The following FAM227A variants were observed in gnomAD, a reference collection of about 807,000 sequenced individuals.
FAM227A encodes protein FAM227A.
Under a neutral mutation model 74.7 loss-of-function variants are expected in FAM227A, and 80 were observed. The observed-to-expected ratio is 1.07, with a 90% CI of 0.89 to 1.29. FAM227A has a LOEUF of 1.29. Ranked by LOEUF, FAM227A falls within the 50% of genes most tolerant of loss-of-function variation. FAM227A has a pLI of 0.00. For synonymous variants in FAM227A, 237 were observed against 241.8 expected (o/e 0.98, Z 0.19); for missense variants, 654 against 683.4 (o/e 0.96, Z 0.48).
At position 38,607,494 on chromosome 22, in the gene FAM227A, GAGAA is replaced by G. The variant is rs2091310283; in HGVS notation, c.1039-22_1039-19del. 2.7e-6 allele frequency: 4 copies of G among 1,492,778 alleles called. No homozygotes were observed. The highest frequency in any genetic ancestry group is 2.7e-6 in the Non-Finnish European group (3 of 1,094,418). The allele number at this position is 1,492,778 out of a possible 1,614,324, so 92.5% of individuals were successfully genotyped here. A position where few individuals can be genotyped will look rare whatever the true frequency, so the allele number is the denominator to read the frequency against. ...CTAGAAGACTTCAGGAGACAAGAGAGAGAAAGAGAGGGAGAAAGCGAGAGAGAGA... is the reference window on the plus strand; with the variant it reads ...CTAGAAGACTTCAGGAGACAAGAGAGAGAGAGGGAGAAAGCGAGAGAGAGA... On this transcript the variant is annotated intron_variant, in intron 11 of 16. Coordinates refer to ENST00000535113, the MANE Select transcript of FAM227A (RefSeq NM_001013647.2).
chr22:38,644,446 A>C (rs5757197), intron 3 of FAM227A, among the ~76,000 whole-genome samples: 1 of 73,080 alleles, frequency 1.4e-5, no homozygotes, highest in Non-Finnish European at 3.1e-5. Context: ...GGACAGCGAA[A>C]CTATGCTGTG....
intron 11 of FAM227A, among the ~76,000 whole-genome samples, chr22:38,617,242 A>G (rs1330306154): frequency 6.6e-6 from 1 of 151,890 alleles, no homozygotes; most frequent in Non-Finnish European, 1.5e-5. Context: ...AGGGAAGTCA[A>G]ATAACTTGCC....
chr22:38,640,315 G>C (rs1361657889), intron 3 of FAM227A, among the ~76,000 whole-genome samples: 1 of 152,120 alleles, frequency 6.6e-6, no homozygotes, highest in African/African-American at 2.4e-5. Context: ...TTACAGGTGT[G>C]AGCCACCACG....
intron 3 of FAM227A, among the ~76,000 whole-genome samples, chr22:38,640,819 T>A (rs185923408): frequency 6.6e-6 from 1 of 152,154 alleles, no homozygotes; most frequent in Admixed American, 6.5e-5. Context: ...GGGAAATACC[T>A]CTCCAGGCCT....
At chr22:38,640,725 C>T (rs1392965294) in intron 3 of FAM227A, among the ~76,000 whole-genome samples, 1 of 152,302 alleles carries the variant, frequency 6.6e-6, no homozygotes, top group East Asian at 1.9e-4. Flanking sequence ...GTGAGGTCAA[C>T]GTGGGCCAGA....
chr22:38,584,879 C>G lies in FAM227A; in HGVS notation c.*1246G>C, dbSNP rs1169928557. ...TAGCATGGTCTTGGCTCACTGCAAC[C>G]TCCGCCACCTGGGTTCCAACGATTC... On this transcript the variant is annotated 3_prime_UTR_variant, in exon 17 of 17. Coordinates refer to ENST00000535113, the MANE Select transcript of FAM227A (RefSeq NM_001013647.2). 2 of 152,100 alleles carry G rather than the reference C, an allele frequency of 1.3e-5. No homozygotes were observed. Among genetic ancestry groups the G allele is most frequent in the Non-Finnish European group, 2.9e-5 (2 of 68,020 alleles). The allele number at this position is 152,100 out of a possible 1,614,324, so 9.4% of individuals were successfully genotyped here.
Position 38,578,676 on chromosome 22 carries a change from A to C in FAM227A, c.*7449T>G, listed in dbSNP as rs2090681747. ...TTAGACATGCAGCTGGGAACCAAGC[A>C]GAGGCTCTCTCTGGGGTTGCGGGGA... On this transcript the variant is annotated 3_prime_UTR_variant, in exon 17 of 17. Transcript: ENST00000535113. The C allele has an allele frequency of 6.6e-6, 1 of 152,362 alleles. No individual in the cohort carries two copies. Among genetic ancestry groups the C allele is most frequent in the Non-Finnish European group, 1.5e-5 (1 of 68,154 alleles). 9.4% of individuals were successfully genotyped at this position (152,362 alleles called of 1,614,324 possible).
intron 1 of FAM227A, among the ~76,000 whole-genome samples, 161 bp downstream of exon 1, chr22:38,655,959 T>C (rs1046161569): frequency 1.3e-5 from 2 of 152,232 alleles, no homozygotes; most frequent in Non-Finnish European, 2.9e-5. Flanking sequence ...CTAGGAGATC[T>C]GGAGTTGATT....
intron 14 of FAM227A, among the ~76,000 whole-genome samples, chr22:38,598,408 A>G (rs1451639699): frequency 6.6e-6 from 1 of 152,220 alleles, no homozygotes; most frequent in African/African-American, 2.4e-5. Context: ...ACTGGGACTC[A>G]AATCTAGGGC....
chr22:38,651,191 G>A (rs573269191), intron 1 of FAM227A, among the ~76,000 whole-genome samples: 67 of 152,176 alleles, frequency 4.4e-4, no homozygotes, highest in Middle Eastern at 3.4e-3. Context: ...CATATCTGTG[G>A]AAACCTTCTC....
chr22:38,613,897 G>C (rs566077409), intron 11 of FAM227A, among the ~76,000 whole-genome samples: 1 of 152,078 alleles, frequency 6.6e-6, no homozygotes, highest in South Asian at 2.1e-4. Context: ...TTTGAGACAG[G>C]GTCTCGCTCT....
In FAM227A at chr22:38,623,876, G is replaced by A. The variant is rs192333578; in HGVS notation, c.851-597C>T. Among the ~76,000 whole-genome samples the A allele has an allele frequency of 1.7e-4, 26 of 152,224 alleles. No individual in the cohort carries two copies. In the East Asian group the frequency reaches 4.6e-3, roughly 27 times the overall value. On this transcript the variant is annotated intron_variant, in intron 9 of 16. Transcript: ENST00000535113. ...AGTGCCAGAAATGGTTTCTCTTTAC[G>A]TGTTTGACAGTGATGCTTCCAAGGA...
intron 13 of FAM227A, among the ~76,000 whole-genome samples, chr22:38,601,303 A>T (rs2091172661): frequency 1.3e-5 from 2 of 152,064 alleles, no homozygotes; most frequent in South Asian, 4.2e-4. Flanking sequence ...GACCCCAGGG[A>T]TCCTGAATGC....
chr22:38,598,245 G>C (rs773225027), intron 14 of FAM227A, among the ~76,000 whole-genome samples: 4 of 152,086 alleles, frequency 2.6e-5, no homozygotes, highest in African/African-American at 4.8e-5. Context: ...AATCCTGGTA[G>C]TTATTTATGT....
At chr22:38,595,740 G>A (rs2091028838) in intron 15 of FAM227A, among the ~76,000 whole-genome samples, 1 of 152,192 alleles carries the variant, frequency 6.6e-6, no homozygotes, top group African/African-American at 2.4e-5. Flanking sequence ...GACATGATAT[G>A]CCTCCTAATG....
chr22:38,609,547 G>C (rs2091366153), intron 11 of FAM227A, among the ~76,000 whole-genome samples: 1 of 152,170 alleles, frequency 6.6e-6, no homozygotes, highest in Non-Finnish European at 1.5e-5. Flanking sequence ...ATGTTAAACA[G>C]ATGGCCCACC....
At chr22:38,646,225 T>C (rs1293987504) in intron 2 of FAM227A, among the ~76,000 whole-genome samples, 4 of 151,370 alleles carry the variant, frequency 2.6e-5, no homozygotes, top group Non-Finnish European at 5.9e-5. Context: ...TGTTAGGACT[T>C]GGGAATTTTC....
chr22:38,626,179 C>A lies in FAM227A; in HGVS notation c.850+1G>T, dbSNP rs755009408. The A allele has an allele frequency of 6.4e-7, 1 of 1,551,130 alleles. No homozygotes were observed. Among genetic ancestry groups the A allele is most frequent in the Admixed American group, 2.0e-5 (1 of 50,884 alleles). ...CCCGGTGGAAAAAAGTCACCTCTCA[C>A]CTGAAATCCACAGGCTCATTGTGTT... On this transcript the variant is annotated splice_donor_variant, in intron 9 of 16. Transcript: ENST00000535113. LOFTEE classifies it high-confidence loss of function.
In FAM227A at chr22:38,585,371, C is replaced by T. The variant is rs149656546; in HGVS notation, c.*754G>A. Reference sequence around the variant, plus strand: ...TAAGAAGGCAGAAGCCTGGGAGTCACACAGAAACACATTACAGATGTCATG... The same window carrying T: ...TAAGAAGGCAGAAGCCTGGGAGTCATACAGAAACACATTACAGATGTCATG... On this transcript the variant is annotated 3_prime_UTR_variant, in exon 17 of 17. Transcript: ENST00000535113. 2 of 152,230 alleles carry T rather than the reference C, an allele frequency of 1.3e-5. No individual in the cohort carries two copies. The highest frequency in any genetic ancestry group is 3.9e-4 in the East Asian group (2 of 5,180). 9.4% of individuals were successfully genotyped at this position (152,230 alleles called of 1,614,324 possible).
Sources: allele counts gnomAD v4.1 joint callset (sites outside exome capture counted in the v4.1 genomes callset), GRCh38; gene constraint gnomAD v4.1.1; transcripts MANE v1.5; gene names NCBI Gene and HGNC (gene_info 2026-07-23, HGNC 2026-07-21).